The following ATG5 variants were observed in gnomAD, a reference collection of about 807,000 sequenced individuals.
The protein encoded by ATG5 is autophagy related 5, also known as autophagy protein 5.
In ATG5, 14 loss-of-function variants were observed where a neutral mutation model predicts 36.5. The observed-to-expected ratio is 0.38, with a 90% CI of 0.25 to 0.60. The LOEUF (loss-of-function observed/expected upper bound fraction) is 0.60, where lower values mean the gene tolerates loss of function less well. Ranked by LOEUF, ATG5 falls within the 20% of genes least tolerant of loss-of-function variation. The pLI is 0.60. For missense variants in ATG5, 195 were observed against 326.7 expected, an observed-to-expected ratio of 0.60 and a Z score of 3.11; for synonymous variants, 95 against 101.5, an observed-to-expected ratio of 0.94 and a Z score of 0.38.
intron 6 of ATG5, among the ~76,000 whole-genome samples, chr6:106,223,724 T>C (rs1171048376): frequency 1.3e-5 from 2 of 152,200 alleles, no homozygotes; most frequent in Admixed American, 1.3e-4. Flanking sequence ...GTTTACTGCT[T>C]ACAGAGAAAC....
chr6:106,279,951 C>A, intron 4 of ATG5, 128 bp from the exon 5 acceptor site: 1 of 546,682 alleles, frequency 1.8e-6, no homozygotes, highest in Non-Finnish European at 2.8e-6. Flanking sequence ...TGAAATAACC[C>A]AAAATACTTT....
At chr6:106,307,171 C>T (rs1038466807) in intron 3 of ATG5, among the ~76,000 whole-genome samples, 2 of 152,180 alleles carry the variant, frequency 1.3e-5, no homozygotes, top group Non-Finnish European at 2.9e-5. Flanking sequence ...ACATCAGCTG[C>T]ATTTATTAAA....
intron 7 of ATG5, among the ~76,000 whole-genome samples, chr6:106,193,085 T>C (rs1184296689): frequency 1.3e-5 from 2 of 152,192 alleles, no homozygotes; most frequent in Non-Finnish European, 2.9e-5. Context: ...AAATGCTTCC[T>C]GGGGAATGAG....
chr6:106,319,965 T>C (rs1212284659), intron 1 of ATG5, among the ~76,000 whole-genome samples: 1 of 152,244 alleles, frequency 6.6e-6, no homozygotes, highest in Non-Finnish European at 1.5e-5. Flanking sequence ...GTAGATTATA[T>C]ACTACTTTAA....
intron 5 of ATG5, among the ~76,000 whole-genome samples, chr6:106,258,066 T>C (rs954580899): frequency 6.6e-6 from 1 of 152,190 alleles, no homozygotes; most frequent in Non-Finnish European, 1.5e-5. Flanking sequence ...GTTATCACAA[T>C]TTCTAATAAG....
intron 6 of ATG5, among the ~76,000 whole-genome samples, chr6:106,247,178 G>GA (rs777874618): frequency 2.5e-4 from 38 of 152,146 alleles, no homozygotes; most frequent in Non-Finnish European, 5.1e-4. Context: ...TGGCTACAAA[G>GA]AAAGTTATGA....
intron 6 of ATG5, among the ~76,000 whole-genome samples, chr6:106,220,318 CTAAT>C (rs1198351856): frequency 6.6e-6 from 1 of 152,108 alleles, no homozygotes; most frequent in Non-Finnish European, 1.5e-5. Flanking sequence ...CTCCTTAGCA[CTAAT>C]TATTACAAAC....
chr6:106,263,637 G>A (rs973869523), intron 5 of ATG5, among the ~76,000 whole-genome samples: 1 of 152,160 alleles, frequency 6.6e-6, no homozygotes, highest in Non-Finnish European at 1.5e-5. Context: ...TGCCCCTCTG[G>A]GACGAAGCTT....
At chr6:106,219,502 T>C (rs551349667) in intron 6 of ATG5, among the ~76,000 whole-genome samples, 4 of 152,314 alleles carry the variant, frequency 2.6e-5, no homozygotes, top group Admixed American at 1.3e-4. Context: ...TTTTTTCTTG[T>C]TATCATTCCC....
intron 6 of ATG5, 115 bp downstream of exon 6, chr6:106,248,035 C>A (rs1414297929): frequency 1.4e-5 from 10 of 733,124 alleles, no homozygotes; most frequent in Non-Finnish European, 2.2e-5. Context: ...GTTTGGAAAA[C>A]CCCTAATAAA....
chr6:106,209,626 A>G (rs1416149866), intron 6 of ATG5, among the ~76,000 whole-genome samples: 1 of 152,204 alleles, frequency 6.6e-6, no homozygotes, highest in East Asian at 1.9e-4. Flanking sequence ...GAATTTACAT[A>G]TGTGATAAAG....
chr6:106,291,150 A>G (rs553308235), intron 4 of ATG5, among the ~76,000 whole-genome samples: 54 of 152,360 alleles, frequency 3.5e-4, no homozygotes, highest in African/African-American at 1.3e-3. Context: ...CTTTTCCTCA[A>G]GACAACCATA....
At chr6:106,229,130 C>T (rs190364895) in intron 6 of ATG5, among the ~76,000 whole-genome samples, 174 of 152,342 alleles carry the variant, frequency 1.1e-3, no homozygotes, top group Middle Eastern at 3.4e-3. Context: ...TTCCTCTGAT[C>T]CCTGCCTCCT....
rs549341327 is a variant in ATG5 at position 106,185,942 on chromosome 6, G to T, written c.*598C>A. The T allele has an allele frequency of 5.9e-5, 9 of 152,794 alleles. No homozygotes were observed. Among genetic ancestry groups the T allele is most frequent in the African/African-American group, 1.9e-4 (8 of 41,526 alleles). 9.5% of individuals were successfully genotyped at this position (152,794 alleles called of 1,614,324 possible). A position where few individuals can be genotyped will look rare whatever the true frequency, so the allele number is the denominator to read the frequency against. On this transcript the variant is annotated 3_prime_UTR_variant, in exon 8 of 8. Transcript: ENST00000369076. ...TATTAAATGACAAAACATATTTAGAGGCTTTATTTAAAAATCTCTCACTGT... is the reference window on the plus strand; with the variant it reads ...TATTAAATGACAAAACATATTTAGATGCTTTATTTAAAAATCTCTCACTGT...
chr6:106,196,290 TA>T (rs1204729505), intron 7 of ATG5, among the ~76,000 whole-genome samples: 1 of 152,128 alleles, frequency 6.6e-6, no homozygotes, highest in Non-Finnish European at 1.5e-5. Context: ...AAAAAGCAAG[TA>T]TTTCAGAATG....
At chr6:106,269,624 C>T (rs1266084793) in intron 5 of ATG5, among the ~76,000 whole-genome samples, 9 of 152,248 alleles carry the variant, frequency 5.9e-5, no homozygotes, top group African/African-American at 2.2e-4. Flanking sequence ...GGACCCAGTA[C>T]ACCCTCCGCA....
intron 5 of ATG5, among the ~76,000 whole-genome samples, chr6:106,277,351 G>T (rs575594058): frequency 1.3e-5 from 2 of 152,312 alleles, no homozygotes; most frequent in East Asian, 3.9e-4. Context: ...GAAGACACAG[G>T]AATTACAGGA....
intron 4 of ATG5, among the ~76,000 whole-genome samples, chr6:106,291,605 G>C (rs1269206977): frequency 6.6e-6 from 1 of 152,094 alleles, no homozygotes; most frequent in Non-Finnish European, 1.5e-5. Flanking sequence ...TTTTAATCTA[G>C]ATTTCAAAGT....
At chr6:106,290,786 A>G (rs1056214533) in intron 4 of ATG5, among the ~76,000 whole-genome samples, 3 of 152,186 alleles carry the variant, frequency 2.0e-5, no homozygotes, top group African/African-American at 7.2e-5. Flanking sequence ...TGATTTACGC[A>G]TTCCAAATGT....
Sources: allele counts gnomAD v4.1 joint callset (sites outside exome capture counted in the v4.1 genomes callset), GRCh38; gene constraint gnomAD v4.1.1; transcripts MANE v1.5; gene names NCBI Gene and HGNC (gene_info 2026-07-23, HGNC 2026-07-21).